The following EFCAB6 variants were observed in gnomAD, a reference collection of about 807,000 sequenced individuals.
EFCAB6 encodes the protein EF-hand calcium-binding domain-containing protein 6.
In EFCAB6, 156 loss-of-function variants were observed where a neutral mutation model predicts 169.8. That is an observed-to-expected ratio of 0.92 (90% confidence interval 0.81 to 1.05). EFCAB6 has a LOEUF of 1.05. EFCAB6 is among the 50% of genes least tolerant of loss of function. The pLI, the probability that EFCAB6 is intolerant of heterozygous loss-of-function variation, is 0.00. For synonymous variants in EFCAB6, 698 were observed against 676.4 expected, an observed-to-expected ratio of 1.03 and a Z score of -0.50; for missense variants, 1,800 against 1,829.1, an observed-to-expected ratio of 0.98 and a Z score of 0.29.
chr22:43,697,691 C>T (rs1603240456), intron 10 of EFCAB6, among the ~76,000 whole-genome samples: 1 of 152,216 alleles, frequency 6.6e-6, no homozygotes, highest in Middle Eastern at 3.4e-3. Flanking sequence ...GTCCCAGGGG[C>T]TCCTTTTATT....
At chr22:43,649,919 T>C (rs1006325439) in intron 17 of EFCAB6, among the ~76,000 whole-genome samples, 1 of 152,180 alleles carries the variant, frequency 6.6e-6, no homozygotes, top group African/African-American at 2.4e-5. Context: ...GAGGAGCTCA[T>C]GAAACTGGAG....
intron 17 of EFCAB6, among the ~76,000 whole-genome samples, chr22:43,636,427 T>C (rs1440349180): frequency 1.3e-5 from 2 of 152,114 alleles, no homozygotes; most frequent in Non-Finnish European, 2.9e-5. Context: ...TGCCAGGCAC[T>C]GTGTGGGGCT....
chr22:43,772,997 C>T lies in EFCAB6; in HGVS notation c.246G>A (p.Leu82=), dbSNP rs770698846. 7.4e-6 allele frequency: 12 copies of T among 1,614,204 alleles called. No individual in the cohort carries two copies. Among genetic ancestry groups the T allele is most frequent in the Non-Finnish European group, 1.0e-5 (12 of 1,180,042 alleles). Reference sequence around the variant, plus strand: ...ACACAGTCAAGTTCTGACCAGTATCCAGCAGCTGAAAGGCTTTTTGCAACT... The same window carrying T: ...ACACAGTCAAGTTCTGACCAGTATCTAGCAGCTGAAAGGCTTTTTGCAACT... The part of the protein sequence containing the change: ...GDELQKAFQL[L]DTGQNLTVSK... Residue 82 remains leucine, a synonymous_variant, in exon 4 of 32, where the codon CTG becomes CTA. Coordinates refer to ENST00000262726, the MANE Select transcript of EFCAB6 (RefSeq NM_022785.4).
chr22:43,750,458 C>G (rs1306824445), intron 6 of EFCAB6, among the ~76,000 whole-genome samples: 1 of 152,168 alleles, frequency 6.6e-6, no homozygotes, highest in African/African-American at 2.4e-5. Flanking sequence ...GTCCCAACAG[C>G]TCTACGATAT....
chr22:43,630,896 T>C (rs2054893409), intron 19 of EFCAB6, among the ~76,000 whole-genome samples: 1 of 150,698 alleles, frequency 6.6e-6, no homozygotes, highest in Non-Finnish European at 1.5e-5. Flanking sequence ...GGCGATCATA[T>C]TTTTTCAAAC....
intron 27 of EFCAB6, among the ~76,000 whole-genome samples, chr22:43,551,223 G>A (rs137160): frequency 0.61 from 92,013 of 152,086 alleles, 27,975 homozygotes; most frequent in East Asian, 0.76. Context: ...ACTCGCCTTC[G>A]ACCAAGAAGG....
rs1288045900 is a variant in EFCAB6, at chr22:43,628,635, G to A, written c.2233-1956C>T. On this transcript the variant is annotated intron_variant, in intron 19 of 31. Coordinates refer to ENST00000262726, the MANE Select transcript of EFCAB6 (RefSeq NM_022785.4). This position sits in a 1 kb window ranked among gnomAD's most constrained non-coding sequence, Gnocchi z 4.8. ...CGTCCCCTCACTGTTCTCTGAACAG[G>A]CCGAGCCTGCTTCAGGGTATCGCAG... 6.6e-6 allele frequency among the ~76,000 whole-genome samples: 1 copy of A among 152,068 alleles called. No homozygotes were observed. Among genetic ancestry groups the A allele is most frequent in the Non-Finnish European group, 1.5e-5 (1 of 68,006 alleles).
At chr22:43,706,661 G>A (rs907486899) in intron 10 of EFCAB6, among the ~76,000 whole-genome samples, 3 of 152,234 alleles carry the variant, frequency 2.0e-5, no homozygotes, top group Non-Finnish European at 4.4e-5. Context: ...GATGTATAAA[G>A]TGCACAAACA....
intron 2 of EFCAB6, among the ~76,000 whole-genome samples, chr22:43,784,600 C>CACATATATATGTGTATGTAT (rs2061978521): frequency 1.3e-5 from 1 of 78,746 alleles, no homozygotes; most frequent in African/African-American, 5.4e-5. Context: ...TGTATATATA[C>CACATATATATGTGTATGTAT]ACATATATAT....
chr22:43,597,540 A>G (rs1287259612), intron 23 of EFCAB6, among the ~76,000 whole-genome samples: 1 of 152,226 alleles, frequency 6.6e-6, no homozygotes, highest in Non-Finnish European at 1.5e-5. Flanking sequence ...TAAAACCACA[A>G]TGAGATATCA....
At chr22:43,592,706 G>A (rs1205062865) in intron 23 of EFCAB6, among the ~76,000 whole-genome samples, 1 of 152,126 alleles carries the variant, frequency 6.6e-6, no homozygotes, top group Non-Finnish European at 1.5e-5. Flanking sequence ...CACTGTTATG[G>A]CCAATGGACG....
intron 22 of EFCAB6, among the ~76,000 whole-genome samples, chr22:43,604,520 A>G (rs1356904475): frequency 1.3e-5 from 2 of 152,122 alleles, no homozygotes; most frequent in East Asian, 3.9e-4. Flanking sequence ...ATCGCATCCC[A>G]CTGAATCTTC....
chr22:43,687,666 G>A, intron 10 of EFCAB6, 85 bp from the exon 11 acceptor site: 1 of 683,952 alleles, frequency 1.5e-6, no homozygotes, highest in Non-Finnish European at 2.4e-6. Context: ...ATGTTGAATT[G>A]AAAATGGCAG....
At chr22:43,608,947 G>A (rs956643529) in intron 21 of EFCAB6, among the ~76,000 whole-genome samples, 2 of 152,166 alleles carry the variant, frequency 1.3e-5, no homozygotes, top group Non-Finnish European at 2.9e-5. Context: ...CTCAATGATG[G>A]TTTGGTTTTA....
At chr22:43,760,228 A>C (rs1382236561) in intron 5 of EFCAB6, among the ~76,000 whole-genome samples, 3 of 95,580 alleles carry the variant, frequency 3.1e-5, no homozygotes, top group Non-Finnish European at 7.4e-5. Context: ...AAGAAAAAAG[A>C]AAAAAAAAGA....
At chr22:43,805,220 G>A (rs2062875387) in intron 2 of EFCAB6, among the ~76,000 whole-genome samples, 1 of 151,968 alleles carries the variant, frequency 6.6e-6, no homozygotes, top group Non-Finnish European at 1.5e-5. Context: ...AATTGAAGAG[G>A]ACACCAAAAA....
At chr22:43,565,386 G>C (rs2049358262) in intron 26 of EFCAB6, among the ~76,000 whole-genome samples, 4 of 152,224 alleles carry the variant, frequency 2.6e-5, no homozygotes, top group Admixed American at 1.3e-4. Flanking sequence ...AGTGATAGCT[G>C]ACTGCTACAG....
rs1390503141 is a variant in EFCAB6, at chr22:43,753,611, A to G, written c.507+2155T>C. On this transcript the variant is annotated intron_variant, in intron 6 of 31. Coordinates refer to ENST00000262726, the MANE Select transcript of EFCAB6 (RefSeq NM_022785.4). ...TCAGAGAGCCCAAGGGTTCGACTGG[A>G]TAAGAGCATGAACATGAGCGTCGGT... Among the ~76,000 whole-genome samples the G allele has an allele frequency of 2.6e-5, 4 of 152,318 alleles. No homozygotes were observed. The East Asian group carries it at 7.7e-4, about 29-fold the overall frequency.
rs566203516 is a variant in EFCAB6 at position 43,716,850 on chromosome 22, G to A, written c.880C>T (p.Gln294Ter). The A allele has an allele frequency of 6.2e-7, 1 of 1,602,672 alleles. No homozygotes were observed. The highest frequency in any genetic ancestry group is 8.5e-7 in the Non-Finnish European group (1 of 1,175,176). Residue 294 changes from glutamine to a stop codon, truncating the protein, a stop_gained and splice_region_variant, in exon 9 of 32, where the codon CAA (glutamine) becomes TAA (stop). Coordinates refer to ENST00000262726, the MANE Select transcript of EFCAB6 (RefSeq NM_022785.4). LOFTEE classifies it high-confidence loss of function. ...TGTGGCTTAGGAAAACATCTTACTT[G>A]TAGACAAAAGTTCCTCTCAATTTCA... ...LDEIERNFCL[Q>*]LSKSYEKVEK...
Sources: gnomAD v4.1 joint callset for allele counts (sites outside exome capture counted in the v4.1 genomes callset) on GRCh38, gnomAD v4.1.1 for gene constraint, Gnocchi (gnomAD v3.1) non-coding constraint, MANE v1.5 for transcripts, NCBI Gene and HGNC (gene_info 2026-07-23, HGNC 2026-07-21) for gene names.